RNF175: variants seen among roughly 807,000 people sequenced by gnomAD.
The protein encoded by RNF175 is ring finger protein 175.
Under a neutral mutation model 50.0 loss-of-function variants are expected in RNF175, and 38 were observed. The ratio of observed to expected loss-of-function variants is 0.76; its 90% confidence interval spans 0.59 to 1.00. The LOEUF is 1.00. RNF175 is among the 50% of genes least tolerant of loss of function. The probability of loss-of-function intolerance (pLI) is 0.00; values close to 1 mark genes in which losing one functional copy is unlikely to be tolerated. For synonymous variants in RNF175, 155 were observed against 146.1 expected, an observed-to-expected ratio of 1.06 and a Z score of -0.44; for missense variants, 388 against 409.6, an observed-to-expected ratio of 0.95 and a Z score of 0.46.
chr4:153,743,109 C>T (rs17298985), intron 3 of RNF175, among the ~76,000 whole-genome samples: 26,876 of 152,126 alleles, frequency 0.18, 3,095 homozygotes, highest in Non-Finnish European at 0.25. Context: ...AGTAGTGTAT[C>T]AGGCCGTAGT....
chr4:153,716,835 G>A (rs968450003), intron 6 of RNF175, among the ~76,000 whole-genome samples: 2 of 152,100 alleles, frequency 1.3e-5, no homozygotes, highest in Non-Finnish European at 2.9e-5. Flanking sequence ...TAAGGCCTTC[G>A]ACTGATTGGC....
At chr4:153,718,556 C>T (rs1390212897) in intron 6 of RNF175, among the ~76,000 whole-genome samples, 1 of 152,076 alleles carries the variant, frequency 6.6e-6, no homozygotes, top group Non-Finnish European at 1.5e-5. Context: ...TGCTTAAAGA[C>T]TTGGTTGTCT....
chr4:153,712,582 G>T lies in RNF175; in HGVS notation c.765-6C>A, dbSNP rs2289318. The T allele has an allele frequency of 6.3e-7, 1 of 1,596,194 alleles. No individual in the cohort carries two copies. Among genetic ancestry groups the T allele is most frequent in the Non-Finnish European group, 8.6e-7 (1 of 1,164,974 alleles). On this transcript the variant is annotated splice_polypyrimidine_tract_variant and splice_region_variant and intron_variant, in intron 7 of 8. Coordinates refer to ENST00000347063, the MANE Select transcript of RNF175 (RefSeq NM_173662.4). Reference sequence around the variant, plus strand: ...GGATGCAGAATTCATGAAAGCTGAAGCATCTTGTTAGGGAGGCTTCTAGAT... The same window carrying T: ...GGATGCAGAATTCATGAAAGCTGAATCATCTTGTTAGGGAGGCTTCTAGAT...
chr4:153,750,215 A>G lies in RNF175; in HGVS notation c.104+1223T>C, dbSNP rs576949440. ...CTTAAGTTTCCACTTACGTCTAGTTACAATATGCAGTTAGCTAATGTACCA... is the reference window on the plus strand; with the variant it reads ...CTTAAGTTTCCACTTACGTCTAGTTGCAATATGCAGTTAGCTAATGTACCA... On this transcript the variant is annotated intron_variant, in intron 2 of 8. Coordinates refer to ENST00000347063, the MANE Select transcript of RNF175 (RefSeq NM_173662.4). Among the ~76,000 whole-genome samples, 36 of 152,328 alleles carry G rather than the reference A, an allele frequency of 2.4e-4. 1 individual carries two copies. In the South Asian group the frequency reaches 7.5e-3, roughly 32 times the overall value.
chr4:153,720,157 G>A, intron 6 of RNF175, 27 bp downstream of exon 6: 3 of 1,610,652 alleles, frequency 1.9e-6, no homozygotes, highest in Non-Finnish European at 2.5e-6. Context: ...GTCATACATG[G>A]TTTCAGAAAA....
rs56211482 is a variant in RNF175, at chr4:153,734,665, CTTTTTTTT to C, written c.247-6312_247-6305del. Among the ~76,000 whole-genome samples the C allele has an allele frequency of 4.3e-3, 317 of 73,164 alleles. 1 individual carries two copies. In the East Asian group the frequency reaches 0.052, roughly 12 times the overall value. The allele number at this position is 73,164 out of a possible 152,430, so 48.0% of individuals were successfully genotyped here. On this transcript the variant is annotated intron_variant, in intron 3 of 8. Transcript: ENST00000347063. ...TCCAAGTCTGGCTTGTTTTTTTATT[CTTTTTTTT>C]TTTTTTTTTTTTTTTTTTTTGAGAT... is the stretch of plus-strand genomic sequence containing the variant.
intron 1 of RNF175, among the ~76,000 whole-genome samples, chr4:153,757,966 C>T (rs954998989): frequency 6.6e-5 from 10 of 152,084 alleles, no homozygotes; most frequent in Non-Finnish European, 1.5e-5. Context: ...GAGGCCCTGC[C>T]GTTTGCTGAG....
At chr4:153,744,732 G>A (rs1466447133) in intron 3 of RNF175, among the ~76,000 whole-genome samples, 1 of 152,172 alleles carries the variant, frequency 6.6e-6, no homozygotes, top group Non-Finnish European at 1.5e-5. Flanking sequence ...GTTAAGATAT[G>A]TTTAAAGAAC....
intron 4 of RNF175, among the ~76,000 whole-genome samples, chr4:153,723,827 G>A (rs961365804): frequency 8.5e-5 from 13 of 152,190 alleles, no homozygotes; most frequent in Non-Finnish European, 1.6e-4. Context: ...TTCAGCAGGA[G>A]TGCCTTGGAG....
chr4:153,725,595 A>G (rs752269322), intron 4 of RNF175, among the ~76,000 whole-genome samples: 7 of 152,226 alleles, frequency 4.6e-5, no homozygotes, highest in Admixed American at 6.5e-5. Flanking sequence ...AAGCCATAGC[A>G]TGCTGTTGGG....
At chr4:153,713,606 A>C (rs571886671) in intron 7 of RNF175, 1 of 152,302 alleles carries the variant, frequency 6.6e-6, no homozygotes, top group East Asian at 1.9e-4. Context: ...AACAGCAACG[A>C]TGTAGAAGTT....
At position 153,712,528 on chromosome 4, in the gene RNF175, C is replaced by T. The variant is rs1401383625; in HGVS notation, c.813G>A (p.Gln271=). 4 of 1,613,290 alleles carry T rather than the reference C, an allele frequency of 2.5e-6. No individual in the cohort carries two copies. Among genetic ancestry groups the T allele is most frequent in the African/African-American group, 1.3e-5 (1 of 74,922 alleles). Residue 271 remains glutamine, a synonymous_variant, in exon 8 of 9, where the codon CAG becomes CAA. Transcript: ENST00000347063. ...IRGWCIVGKK[Q]TCPYCKEKVD... is the part of the protein sequence containing the mutation. Reference sequence around the variant, plus strand: ...CTTTCTCTTTGCAGTAAGGGCAAGTCTGCTTTTTCCCAACGATACACCAAC... The same window carrying T: ...CTTTCTCTTTGCAGTAAGGGCAAGTTTGCTTTTTCCCAACGATACACCAAC...
chr4:153,723,278 T>C, intron 5 of RNF175, 73 bp downstream of exon 5: 1 of 745,126 alleles, frequency 1.3e-6, no homozygotes, highest in Admixed American at 2.1e-5. Context: ...GCTTCTGGAT[T>C]AAGAGAACAT....
At chr4:153,744,519 G>A (rs565225169) in intron 3 of RNF175, among the ~76,000 whole-genome samples, 1 of 152,210 alleles carries the variant, frequency 6.6e-6, no homozygotes, top group African/African-American at 2.4e-5. Flanking sequence ...TTCAAGGTCG[G>A]GGGCTTCCTA....
chr4:153,746,929 AGGTTG>A (rs1740007638), intron 3 of RNF175, among the ~76,000 whole-genome samples: 1 of 152,222 alleles, frequency 6.6e-6, no homozygotes, highest in African/African-American at 2.4e-5. Context: ...CCAGAGCCAC[AGGTTG>A]AGCTGCACCT....
At chr4:153,730,611 A>G (rs1738983211) in intron 3 of RNF175, among the ~76,000 whole-genome samples, 1 of 152,230 alleles carries the variant, frequency 6.6e-6, no homozygotes, top group African/African-American at 2.4e-5. Flanking sequence ...AAGTCTGATC[A>G]TCTGTCGTTT....
chr4:153,745,956 G>A (rs1229280729), intron 3 of RNF175, among the ~76,000 whole-genome samples: 1 of 152,170 alleles, frequency 6.6e-6, no homozygotes, highest in East Asian at 1.9e-4. Context: ...ACAGCATTCT[G>A]CTCTGGCTCC....
intron 1 of RNF175, among the ~76,000 whole-genome samples, chr4:153,751,981 C>A (rs1740314968): frequency 6.6e-6 from 1 of 152,220 alleles, no homozygotes; most frequent in East Asian, 1.9e-4. Context: ...CTTGTACTCT[C>A]TTGTTAAGAA....
chr4:153,728,721 T>C (rs926910934), intron 3 of RNF175, among the ~76,000 whole-genome samples: 5 of 152,216 alleles, frequency 3.3e-5, no homozygotes, highest in Non-Finnish European at 7.3e-5. Context: ...ACTGCTTCCC[T>C]GCACTCACTG....
Sources: gnomAD v4.1 joint callset for allele counts (sites outside exome capture counted in the v4.1 genomes callset) on GRCh38, gnomAD v4.1.1 for gene constraint, MANE v1.5 for transcripts, NCBI Gene and HGNC (gene_info 2026-07-23, HGNC 2026-07-21) for gene names.